The following FBLN2 variants were observed in gnomAD, a reference collection of about 807,000 sequenced individuals.
The protein encoded by FBLN2 is fibulin 2.
Under a neutral mutation model 123.7 loss-of-function variants are expected in FBLN2, and 81 were observed. The observed-to-expected ratio is 0.65, with a 90% CI of 0.55 to 0.79. The LOEUF is 0.79. FBLN2 is among the 30% of genes least tolerant of loss of function. FBLN2 has a pLI of 0.00. For missense variants in FBLN2, 1,603 were observed against 1,681.3 expected, an observed-to-expected ratio of 0.95 and a Z score of 0.81; for synonymous variants, 699 against 701.4, an observed-to-expected ratio of 1.00 and a Z score of 0.05.
At chr3:13,613,243 C>G (rs1434034191) in intron 4 of FBLN2, among the ~76,000 whole-genome samples, 1 of 152,328 alleles carries the variant, frequency 6.6e-6, no homozygotes, top group East Asian at 1.9e-4. Flanking sequence ...AAGGCACAAC[C>G]AAGAGGTTGG....
intron 16 of FBLN2, among the ~76,000 whole-genome samples, 161 bp from the exon 17 acceptor site, chr3:13,636,284 G>T (rs1347633538): frequency 6.6e-6 from 1 of 152,338 alleles, no homozygotes; most frequent in African/African-American, 2.4e-5. Context: ...CTGCTGCGGG[G>T]TGCCGAGCAG....
intron 8 of FBLN2, among the ~76,000 whole-genome samples, chr3:13,620,159 A>C (rs1705800663): frequency 6.6e-6 from 1 of 152,070 alleles, no homozygotes; most frequent in Admixed American, 6.5e-5. Context: ...TGGGTCAAAC[A>C]GGCAGTCCTG....
intron 2 of FBLN2, among the ~76,000 whole-genome samples, chr3:13,594,347 A>C (rs1224492886): frequency 6.6e-6 from 1 of 151,168 alleles, no homozygotes; most frequent in African/African-American, 2.4e-5. Flanking sequence ...TTCTCTCTGG[A>C]TGGAGCAGAG....
At chr3:13,631,230 C>A in intron 15 of FBLN2, 99 bp from the exon 16 acceptor site, 3 of 1,420,388 alleles carry the variant, frequency 2.1e-6, no homozygotes, top group Admixed American at 2.3e-5. Flanking sequence ...AAAAAATGGG[C>A]CCCTAAGCTC....
chr3:13,592,027 T>C (rs941681663), intron 2 of FBLN2, among the ~76,000 whole-genome samples: 1 of 151,018 alleles, frequency 6.6e-6, no homozygotes, highest in Non-Finnish European at 1.5e-5. Flanking sequence ...TCTTTTTTTT[T>C]TTTTTTTTTT....
chr3:13,592,854 G>T (rs752905539), intron 2 of FBLN2, among the ~76,000 whole-genome samples: 77 of 152,192 alleles, frequency 5.1e-4, no homozygotes, highest in Non-Finnish European at 1.0e-3. Flanking sequence ...AATTTGGGCT[G>T]GGCTCTGCTG....
intron 2 of FBLN2, among the ~76,000 whole-genome samples, chr3:13,582,152 G>A (rs535114374): frequency 9.2e-5 from 14 of 152,300 alleles, no homozygotes; most frequent in East Asian, 7.7e-4. Flanking sequence ...CATGGCTGGC[G>A]TCCCGGATGC....
intron 2 of FBLN2, among the ~76,000 whole-genome samples, chr3:13,598,208 G>A (rs974623077): frequency 6.6e-5 from 10 of 152,218 alleles, no homozygotes; most frequent in African/African-American, 1.7e-4. Flanking sequence ...GTCACCAAGC[G>A]TCTTTTATGT....
At chr3:13,556,461 C>T (rs1429011587) in intron 1 of FBLN2, among the ~76,000 whole-genome samples, 3 of 152,182 alleles carry the variant, frequency 2.0e-5, no homozygotes, top group African/African-American at 7.2e-5. Context: ...ATCTAAACCT[C>T]CTAATGGGGG....
In FBLN2 at chr3:13,637,570, A is replaced by C; in HGVS notation, c.3347A>C (p.Glu1116Ala). ...GCCTATCCTCCCTGCAGGAAGTGCGAGCGCACCACGTGCCATGACTTCCTG... is the reference window on the plus strand; with the variant it reads ...GCCTATCCTCCCTGCAGGAAGTGCGCGCGCACCACGTGCCATGACTTCCTG... Reference protein sequence around the residue: ...NYVQVSKTKCERTTCHDFLEC... With the variant: ...NYVQVSKTKCARTTCHDFLEC... The change falls in exon 18 of 18, where the codon GAG (glutamate) becomes GCG (alanine). Residue 1116 changes from glutamate to alanine, a missense_variant. Glu to Ala is a moderately radical substitution (Grantham distance 107). Coordinates refer to ENST00000404922, the MANE Select transcript of FBLN2 (RefSeq NM_001004019.2). 6.2e-7 allele frequency: 1 copy of C among 1,605,208 alleles called. No individual in the cohort carries two copies. The highest frequency in any genetic ancestry group is 8.5e-7 in the Non-Finnish European group (1 of 1,173,906).
intron 2 of FBLN2, among the ~76,000 whole-genome samples, chr3:13,584,274 CTCT>C (rs1455655483): frequency 8.5e-5 from 13 of 152,366 alleles, no homozygotes; most frequent in Admixed American, 3.9e-4. Flanking sequence ...ATAGCTTGGA[CTCT>C]CCCTCTGCCA....
intron 5 of FBLN2, among the ~76,000 whole-genome samples, chr3:13,614,782 TATCC>T (rs911633476): frequency 1.9e-4 from 29 of 149,570 alleles, no homozygotes; most frequent in Non-Finnish European, 1.6e-4. Flanking sequence ...TCCGTTTGTT[TATCC>T]ATCCATCCAT....
chr3:13,598,293 A>G (rs1027626501), intron 2 of FBLN2, among the ~76,000 whole-genome samples: 3 of 152,162 alleles, frequency 2.0e-5, no homozygotes, highest in African/African-American at 7.2e-5. Flanking sequence ...CCCACTTGTG[A>G]AATTTGGGTG....
chr3:13,565,850 T>G (rs9864258), intron 1 of FBLN2, among the ~76,000 whole-genome samples: 1 of 152,224 alleles, frequency 6.6e-6, no homozygotes, highest in Admixed American at 6.5e-5. Context: ...AAGCACAGGG[T>G]CATGGAGTGC....
Position 13,618,967 on chromosome 3 carries a change from T to G in FBLN2, c.2003T>G (p.Val668Gly). Residue 668 changes from valine (V) to glycine (G), a missense_variant, in exon 7 of 18, where the codon GTG becomes GGG. Transcript: ENST00000404922. ...GCACTGAAGTCAGAATTTTCCCAGG[T>G]GGCCTCTAACACCATCCCGCTGCCA... ...EPALKSEFSQ[V>G]ASNTIPLPLP... 6.2e-7 allele frequency: 1 copy of G among 1,613,230 alleles called. No homozygotes were observed. Among genetic ancestry groups the G allele is most frequent in the Non-Finnish European group, 8.5e-7 (1 of 1,179,712 alleles).
At chr3:13,569,680 G>C (rs1000620256) in intron 1 of FBLN2, among the ~76,000 whole-genome samples, 10 of 152,026 alleles carry the variant, frequency 6.6e-5, no homozygotes, top group African/African-American at 2.4e-4. Context: ...GTGTGTTCCT[G>C]AGTCCTAGGG....
chr3:13,581,741 G>A (rs929548341), intron 2 of FBLN2, among the ~76,000 whole-genome samples: 1 of 152,140 alleles, frequency 6.6e-6, no homozygotes, highest in Non-Finnish European at 1.5e-5. Context: ...CCCAGACCCC[G>A]TGCCAGTGCT....
At chr3:13,631,659 A>G (rs983879468) in intron 16 of FBLN2, among the ~76,000 whole-genome samples, 6 of 152,266 alleles carry the variant, frequency 3.9e-5, no homozygotes, top group South Asian at 2.1e-4. Context: ...CTGCTGCTCA[A>G]TCCAGCTTAG....
chr3:13,594,197 C>T (rs979385197), intron 2 of FBLN2, among the ~76,000 whole-genome samples: 4 of 152,228 alleles, frequency 2.6e-5, no homozygotes, highest in South Asian at 2.1e-4. Flanking sequence ...ACTGAGGGTG[C>T]GGTTAAACCC....
Sources: allele counts gnomAD v4.1 joint callset (sites outside exome capture counted in the v4.1 genomes callset), GRCh38; gene constraint gnomAD v4.1.1; transcripts MANE v1.5; gene names NCBI Gene and HGNC (gene_info 2026-07-23, HGNC 2026-07-21).